Variants in RFX6 observed in about 807,000 individuals in gnomAD.
The protein encoded by RFX6 is regulatory factor X6, also known as DNA-binding protein RFX6.
RFX6 carries 50 observed loss-of-function variants against 110.8 expected under a neutral mutation model. The ratio of observed to expected loss-of-function variants is 0.45; its 90% confidence interval spans 0.36 to 0.57. The LOEUF (loss-of-function observed/expected upper bound fraction) is 0.57, where lower values mean the gene tolerates loss of function less well. Ranked by LOEUF, RFX6 falls within the 20% of genes least tolerant of loss-of-function variation. RFX6 has a pLI of 0.00. For missense variants in RFX6, 990 were observed against 1,127.0 expected (o/e 0.88, Z 1.74); for synonymous variants, 383 against 411.2 (o/e 0.93, Z 0.83).
At chr6:116,880,741 T>C in intron 3 of RFX6, 74 bp downstream of exon 3, 1 of 1,489,190 alleles carries the variant, frequency 6.7e-7, no homozygotes. Flanking sequence ...AATGAATTCA[T>C]CTGTGCAAGT....
intron 4 of RFX6, among the ~76,000 whole-genome samples, chr6:116,889,511 G>T (rs1196120867): frequency 6.6e-6 from 1 of 152,002 alleles, no homozygotes; most frequent in African/African-American, 2.4e-5. Flanking sequence ...TTTTGCCTGA[G>T]ATATCAGGCA....
chr6:116,893,983 C>G lies in RFX6; in HGVS notation c.567-4C>G, dbSNP rs780254326. Reference sequence around the variant, plus strand: ...CACAGAGCTGGTTCCTGTCTTTGCTCTAGGTATCATTACTATGGGATTGGC... The same window carrying G: ...CACAGAGCTGGTTCCTGTCTTTGCTGTAGGTATCATTACTATGGGATTGGC... On this transcript the variant is annotated splice_region_variant and splice_polypyrimidine_tract_variant and intron_variant, in intron 4 of 18. Coordinates refer to ENST00000332958, the MANE Select transcript of RFX6 (RefSeq NM_173560.4). 6.4e-7 allele frequency: 1 copy of G among 1,559,846 alleles called. No homozygotes were observed. Among genetic ancestry groups the G allele is most frequent in the African/African-American group, 1.4e-5 (1 of 74,008 alleles).
chr6:116,917,961 G>C (rs902088579), intron 9 of RFX6, 76 bp from the exon 10 acceptor site: 7 of 983,006 alleles, frequency 7.1e-6, no homozygotes, highest in Non-Finnish European at 1.1e-5. Context: ...GGAATAAAAA[G>C]TAGTTGACCA....
At chr6:116,925,824 T>C (rs1024700900) in intron 16 of RFX6, among the ~76,000 whole-genome samples, 165 bp downstream of exon 16, 1 of 152,200 alleles carries the variant, frequency 6.6e-6, no homozygotes, top group African/African-American at 2.4e-5. Flanking sequence ...TTTTCAGCAA[T>C]GGTAATAATA....
At chr6:116,894,487 C>T (rs953635625) in intron 5 of RFX6, among the ~76,000 whole-genome samples, 1 of 152,104 alleles carries the variant, frequency 6.6e-6, no homozygotes, top group Non-Finnish European at 1.5e-5. Context: ...GTAATAATCT[C>T]TAATCACATA....
rs187731469 is a variant in RFX6, at chr6:116,912,582, G to A, written c.780+1540G>A. 3.9e-5 allele frequency among the ~76,000 whole-genome samples: 6 copies of A among 152,252 alleles called. No individual in the cohort carries two copies. In the East Asian group the frequency reaches 1.2e-3, roughly 29 times the overall value. On this transcript the variant is annotated intron_variant, in intron 7 of 18. Transcript: ENST00000332958. ...GTGGCAGTTTGTGAGGATTCCTGTG[G>A]AAATCAGGAGGATCTCAGTCTTCTG...
Position 116,927,468 on chromosome 6 carries a change from G to C in RFX6, c.2327G>C (p.Ser776Thr), listed in dbSNP as rs1319948242. 1 of 1,613,956 alleles carries C rather than the reference G, an allele frequency of 6.2e-7. No homozygotes were observed. The highest frequency in any genetic ancestry group is 2.2e-5 in the East Asian group (1 of 44,890). ...AATATGCAGTTTTTAAATACAGGAA[G>C]CTTCAATTTCTTGAGCAACACAGGA... ...SHNMQFLNTGSFNFLSNTGAA... is the reference protein window; with the variant it reads ...SHNMQFLNTGTFNFLSNTGAA... The change falls in exon 17 of 19, where the codon AGC (serine) becomes ACC (threonine). Residue 776 changes from serine to threonine, a missense_variant. This residue lies in a region of RFX6 where 438 missense variants were observed against 441.9 expected (regional missense o/e 0.99). Transcript: ENST00000332958.
At chr6:116,882,937 C>T (rs1018594834) in intron 4 of RFX6, among the ~76,000 whole-genome samples, 1 of 152,028 alleles carries the variant, frequency 6.6e-6, no homozygotes, top group Non-Finnish European at 1.5e-5. Flanking sequence ...AGCTGTCACA[C>T]ATTCCCCCTC....
rs1302921182 is a variant in RFX6, at chr6:116,931,326, T to G, written c.2612-5T>G. On this transcript the variant is annotated splice_polypyrimidine_tract_variant and splice_region_variant and intron_variant, in intron 18 of 18. Coordinates refer to ENST00000332958, the MANE Select transcript of RFX6 (RefSeq NM_173560.4). ...TTCAATTGCTGATTATATTTTCCCT[T>G]ACAGCTTCCAGTTTGCAAACCCCAA... The G allele has an allele frequency of 6.2e-7, 1 of 1,605,666 alleles. No homozygotes were observed.
intron 6 of RFX6, among the ~76,000 whole-genome samples, chr6:116,895,896 A>G (rs568322888): frequency 1.3e-5 from 2 of 152,340 alleles, no homozygotes; most frequent in African/African-American, 4.8e-5. Context: ...GGTAAAGTGT[A>G]ACTCCATTAG....
chr6:116,888,138 T>A (rs1177680425), intron 4 of RFX6, among the ~76,000 whole-genome samples: 1 of 152,204 alleles, frequency 6.6e-6, no homozygotes, highest in Non-Finnish European at 1.5e-5. Flanking sequence ...CAGTTATCAT[T>A]TGTGTAGTGT....
chr6:116,929,959 T>A (rs1211923309), intron 18 of RFX6, among the ~76,000 whole-genome samples: 2 of 152,212 alleles, frequency 1.3e-5, no homozygotes, highest in Non-Finnish European at 2.9e-5. Context: ...GCAGCTCATC[T>A]TCTGCTATCT....
At chr6:116,925,825 G>A (rs2114702559) in intron 16 of RFX6, among the ~76,000 whole-genome samples, 166 bp downstream of exon 16, 1 of 152,124 alleles carries the variant, frequency 6.6e-6, no homozygotes. Flanking sequence ...TTTCAGCAAT[G>A]GTAATAATAC....
chr6:116,919,605 T>G (rs1410400867), intron 11 of RFX6, among the ~76,000 whole-genome samples: 1 of 152,210 alleles, frequency 6.6e-6, no homozygotes, highest in African/African-American at 2.4e-5. Flanking sequence ...CTGCACTATC[T>G]TTGCAACTTC....
chr6:116,929,019 C>G lies in RFX6; in HGVS notation c.2611+48C>G, dbSNP rs673055. The G allele has an allele frequency of 5.8e-6, 7 of 1,198,354 alleles. 1 individual carries two copies. The South Asian group carries it at 7.2e-5, about 12-fold the overall frequency. The allele number at this position is 1,198,354 out of a possible 1,614,324, so 74.2% of individuals were successfully genotyped here. A position where few individuals can be genotyped will look rare whatever the true frequency, so the allele number is the denominator to read the frequency against. ...GAAAACATTTTAAGAAGTTGTTAAC[C>G]TCAGGTATGCAACATTACTTGAGGG... On this transcript the variant is annotated intron_variant, in intron 18 of 18. Coordinates refer to ENST00000332958, the MANE Select transcript of RFX6 (RefSeq NM_173560.4).
intron 6 of RFX6, among the ~76,000 whole-genome samples, chr6:116,906,882 A>T (rs1197795828): frequency 4.9e-5 from 7 of 142,820 alleles, no homozygotes; most frequent in East Asian, 2.0e-4. Flanking sequence ...TTGCCTAACT[A>T]CTCTAGCTAA....
intron 6 of RFX6, among the ~76,000 whole-genome samples, chr6:116,906,187 G>A (rs115833226): frequency 0.066 from 10,095 of 152,156 alleles, 366 homozygotes; most frequent in Admixed American, 0.12. Context: ...CCATATATGT[G>A]AGGATTTGTT....
At chr6:116,889,817 T>C (rs545927868) in intron 4 of RFX6, among the ~76,000 whole-genome samples, 2 of 152,274 alleles carry the variant, frequency 1.3e-5, no homozygotes, top group East Asian at 3.9e-4. Flanking sequence ...TGAAATCTCT[T>C]AATTGGCAAA....
At chr6:116,928,539 A>G (rs895144417) in intron 17 of RFX6, among the ~76,000 whole-genome samples, 1 of 152,224 alleles carries the variant, frequency 6.6e-6, no homozygotes. Flanking sequence ...TAAATTATGT[A>G]TGATGCTACA....
Sources: gnomAD v4.1 joint callset for allele counts (sites outside exome capture counted in the v4.1 genomes callset) on GRCh38, gnomAD v4.1.1 for gene constraint, gnomAD v4.1.1 regional missense constraint, MANE v1.5 for transcripts, NCBI Gene and HGNC (gene_info 2026-07-23, HGNC 2026-07-21) for gene names.